Variants in CCDC28B observed in about 807,000 individuals in gnomAD.
CCDC28B encodes the protein coiled-coil domain containing 28B, also known as coiled-coil domain-containing protein 28B.
In CCDC28B, 17 loss-of-function variants were observed where a neutral mutation model predicts 18.7. The observed-to-expected ratio is 0.91, with a 90% CI of 0.62 to 1.36. The LOEUF (loss-of-function observed/expected upper bound fraction) is 1.36. Among genes scored for constraint, CCDC28B ranks in the 40% most tolerant of loss-of-function variants. CCDC28B has a pLI of 0.00. For synonymous variants in CCDC28B, 116 were observed against 105.1 expected (o/e 1.10, Z -0.64); for missense variants, 213 against 251.7 (o/e 0.85, Z 1.04).
chr1:32,204,437 T>C, intron 4 of CCDC28B, 58 bp downstream of exon 4: 1 of 1,529,022 alleles, frequency 6.5e-7, no homozygotes, highest in Non-Finnish European at 8.8e-7. Flanking sequence ...AGAAGGTACA[T>C]ACTCCCAAAG....
chr1:32,205,029 G>C lies in CCDC28B; in HGVS notation c.549-165G>C, dbSNP rs1191173100. On this transcript the variant is annotated intron_variant, in intron 5 of 5. Transcript: ENST00000373602. This position sits in a 1 kb window ranked among gnomAD's most constrained non-coding sequence, Gnocchi z 5.6. The stretch of plus-strand genomic sequence containing the variant: ...CCTGCACGATCTGGATGAAGAGAGA[G>C]GGGGTGAGAGAGGGCAGGCGGGGAC... 2 of 1,169,788 alleles carry C rather than the reference G, an allele frequency of 1.7e-6. No homozygotes were observed. Among genetic ancestry groups the C allele is most frequent in the Non-Finnish European group, 1.2e-6 (1 of 840,770 alleles). 72.5% of individuals were successfully genotyped at this position (1,169,788 alleles called of 1,614,324 possible). A position where few individuals can be genotyped will look rare whatever the true frequency, so the allele number is the denominator to read the frequency against.
chr1:32,205,097 C>T lies in CCDC28B; in HGVS notation c.549-97C>T. On this transcript the variant is annotated intron_variant, in intron 5 of 5. Coordinates refer to ENST00000373602, the MANE Select transcript of CCDC28B (RefSeq NM_024296.5). This position sits in a 1 kb window ranked among gnomAD's most constrained non-coding sequence, Gnocchi z 5.6. ...GACGGCCCGAGACCCTCGTCCCCGG[C>T]CCTTTGCACAGGTGAGGGAACTAAA... The T allele has an allele frequency of 1.4e-6, 2 of 1,467,924 alleles. No individual in the cohort carries two copies. Among genetic ancestry groups the T allele is most frequent in the Non-Finnish European group, 1.9e-6 (2 of 1,073,264 alleles). 90.9% of individuals were successfully genotyped at this position (1,467,924 alleles called of 1,614,324 possible).
In CCDC28B at chr1:32,205,047, G is replaced by A. The variant is rs1643279333; in HGVS notation, c.549-147G>A. ...AGAGAGAGGGGGTGAGAGAGGGCAGGCGGGGACTGCAACCTCAGTCCACAG... is the reference window on the plus strand; with the variant it reads ...AGAGAGAGGGGGTGAGAGAGGGCAGACGGGGACTGCAACCTCAGTCCACAG... On this transcript the variant is annotated intron_variant, in intron 5 of 5. Coordinates refer to ENST00000373602, the MANE Select transcript of CCDC28B (RefSeq NM_024296.5). This position sits in a 1 kb window ranked among gnomAD's most constrained non-coding sequence, Gnocchi z 5.6. 3.4e-6 allele frequency: 4 copies of A among 1,175,192 alleles called. No individual in the cohort carries two copies. The highest frequency in any genetic ancestry group is 2.7e-5 in the Admixed American group (1 of 37,458). 72.8% of individuals were successfully genotyped at this position (1,175,192 alleles called of 1,614,324 possible).
At position 32,205,095 on chromosome 1, in the gene CCDC28B, G is replaced by A. The variant is rs1643280738; in HGVS notation, c.549-99G>A. 3 of 1,456,728 alleles carry A rather than the reference G, an allele frequency of 2.1e-6. No individual in the cohort carries two copies. Among genetic ancestry groups the A allele is most frequent in the Non-Finnish European group, 1.9e-6 (2 of 1,066,634 alleles). 90.2% of individuals were successfully genotyped at this position (1,456,728 alleles called of 1,614,324 possible). On this transcript the variant is annotated intron_variant, in intron 5 of 5. Transcript: ENST00000373602. This position sits in a 1 kb window ranked among gnomAD's most constrained non-coding sequence, Gnocchi z 5.6. The stretch of plus-strand genomic sequence containing the variant: ...CAGACGGCCCGAGACCCTCGTCCCC[G>A]GCCCTTTGCACAGGTGAGGGAACTA...
At chr1:32,202,470 A>G in intron 2 of CCDC28B, 2 of 383,858 alleles carry the variant, frequency 5.2e-6, no homozygotes, top group Non-Finnish European at 1.0e-5. Flanking sequence ...GGAACAGGAA[A>G]TGGTGAGGAA....
At position 32,204,221 on chromosome 1, in the gene CCDC28B, C is replaced by G. The variant is rs535125110; in HGVS notation, c.367C>G (p.Arg123Gly). ...ECSFEQLEHV[R>G]EMQEKLARLH... Reference sequence around the variant, plus strand: ...CTCCTTTGAGCAGCTGGAGCACGTTCGGGAGATGCAGGAGAAGCTAGCCCG... The same window carrying G: ...CTCCTTTGAGCAGCTGGAGCACGTTGGGGAGATGCAGGAGAAGCTAGCCCG... Residue 123 changes from arginine (R) to glycine (G), a missense_variant, in exon 4 of 6, where the codon CGG becomes GGG. Transcript: ENST00000373602. The G allele has an allele frequency of 4.5e-5, 73 of 1,613,850 alleles. No individual in the cohort carries two copies. The highest frequency in any genetic ancestry group is 5.8e-5 in the Non-Finnish European group (69 of 1,180,000).
Position 32,204,056 on chromosome 1 carries a change from G to A in CCDC28B, c.331+11G>A. On this transcript the variant is annotated intron_variant, in intron 3 of 5. Coordinates refer to ENST00000373602, the MANE Select transcript of CCDC28B (RefSeq NM_024296.5). ...GGCTGCAGGCCTTCGGTGAGTCCTG[G>A]GGGCTGGTTTCAGCGGGTGTGTGGA... 1 of 1,565,234 alleles carries A rather than the reference G, an allele frequency of 6.4e-7. No individual in the cohort carries two copies. Among genetic ancestry groups the A allele is most frequent in the East Asian group, 2.3e-5 (1 of 44,412 alleles).
upstream of CCDC28B, among the ~76,000 whole-genome samples, chr1:32,198,939 C>G (rs1206830544): frequency 1.3e-5 from 2 of 152,178 alleles, no homozygotes. Flanking sequence ...GGGGTGGACA[C>G]TCATCACTGC....
rs1288665949 is a variant in CCDC28B, at chr1:32,203,951, C to G, written c.237C>G (p.His79Gln). 1 of 1,579,898 alleles carries G rather than the reference C, an allele frequency of 6.3e-7. No homozygotes were observed. Among genetic ancestry groups the G allele is most frequent in the South Asian group, 1.2e-5 (1 of 85,742 alleles). ...GSGSAGTPLQ[H>Q]SFLTEVTDVY... ...GCTCTGCAGGCACGCCCCTGCAGCACTCCTTCCTGACCGAGGTGACTGATG... is the reference window on the plus strand; with the variant it reads ...GCTCTGCAGGCACGCCCCTGCAGCAGTCCTTCCTGACCGAGGTGACTGATG... Residue 79 changes from histidine (H) to glutamine (Q), a missense_variant, in exon 3 of 6, where the codon CAC becomes CAG. Physicochemically the swap from His to Gln is conservative, Grantham distance 24. Coordinates refer to ENST00000373602, the MANE Select transcript of CCDC28B (RefSeq NM_024296.5).
upstream of CCDC28B, among the ~76,000 whole-genome samples, chr1:32,199,238 C>A (rs190376160): frequency 3.7e-4 from 57 of 152,306 alleles, no homozygotes; most frequent in Admixed American, 2.6e-3. Flanking sequence ...TCCCTCCAGG[C>A]CTCCACAAAT....
rs562912411 is a variant in CCDC28B, at chr1:32,204,188, A to G, written c.334A>G (p.Lys112Glu). 1 of 1,613,968 alleles carries G rather than the reference A, an allele frequency of 6.2e-7. No homozygotes were observed. The highest frequency in any genetic ancestry group is 2.2e-5 in the East Asian group (1 of 44,872). The change falls in exon 4 of 6, where the codon AAG becomes GAG. Residue 112 changes from lysine to glutamate, a missense_variant and splice_region_variant. Coordinates refer to ENST00000373602, the MANE Select transcript of CCDC28B (RefSeq NM_024296.5). ...FHSGRLQAFG[K>E]ECSFEQLEHV... Reference sequence around the variant, plus strand: ...TTCAGACAGGGGCTTCGTTCCAGGGAAGGAATGCTCCTTTGAGCAGCTGGA... The same window carrying G: ...TTCAGACAGGGGCTTCGTTCCAGGGGAGGAATGCTCCTTTGAGCAGCTGGA...
chr1:32,205,077 C>A lies in CCDC28B; in HGVS notation c.549-117C>A. 7.5e-7 allele frequency: 1 copy of A among 1,329,524 alleles called. No homozygotes were observed. Among genetic ancestry groups the A allele is most frequent in the Non-Finnish European group, 1.0e-6 (1 of 969,356 alleles). The allele number at this position is 1,329,524 out of a possible 1,614,324, so 82.4% of individuals were successfully genotyped here. On this transcript the variant is annotated intron_variant, in intron 5 of 5. Coordinates refer to ENST00000373602, the MANE Select transcript of CCDC28B (RefSeq NM_024296.5). This position sits in a 1 kb window ranked among gnomAD's most constrained non-coding sequence, Gnocchi z 5.6. Reference sequence around the variant, plus strand: ...GACTGCAACCTCAGTCCACAGACGGCCCGAGACCCTCGTCCCCGGCCCTTT... The same window carrying A: ...GACTGCAACCTCAGTCCACAGACGGACCGAGACCCTCGTCCCCGGCCCTTT...
At chr1:32,196,563 C>T (rs773321698), upstream of CCDC28B, 4 of 152,232 alleles carry the variant, frequency 2.6e-5, no homozygotes, top group Non-Finnish European at 5.9e-5. Flanking sequence ...TACATAACTA[C>T]TATGTACTGT....
At chr1:32,203,822 C>A (rs1192346682) in intron 2 of CCDC28B, 57 bp from the exon 3 acceptor site, 2 of 1,374,176 alleles carry the variant, frequency 1.5e-6, no homozygotes, top group African/African-American at 2.9e-5. Context: ...CACAAAAGAT[C>A]GGGAGGTGCC....
At chr1:32,197,478 C>T (rs181350424), upstream of CCDC28B, 143 of 152,428 alleles carry the variant, frequency 9.4e-4, no homozygotes, top group Non-Finnish European at 1.9e-3. This position sits in a 1 kb window ranked among gnomAD's most constrained non-coding sequence, Gnocchi z 4.6. Flanking sequence ...ATGAGGTTCC[C>T]TACCTTTTTC....
At chr1:32,202,297 G>A in intron 2 of CCDC28B, 198 bp downstream of exon 2, 2 of 726,248 alleles carry the variant, frequency 2.8e-6, no homozygotes, top group East Asian at 2.7e-5. Context: ...GTGGGTCACT[G>A]GGATCACATA....
chr1:32,201,592 C>T, intron 1 of CCDC28B: 1 of 214,880 alleles, frequency 4.7e-6, no homozygotes, highest in South Asian at 1.3e-4. Context: ...TCTCCCACTA[C>T]ATTTCCTCTG....
rs758934454 is a variant in CCDC28B, at chr1:32,202,027, C to T, written c.92C>T (p.Thr31Ile). 1.9e-6 allele frequency: 3 copies of T among 1,613,978 alleles called. No individual in the cohort carries two copies. Among genetic ancestry groups the T allele is most frequent in the Non-Finnish European group, 2.5e-6 (3 of 1,179,978 alleles). ...ACACTACGGAGGGTCCCTGTGCCTACCAGCCACAGCGGCTCCTTGGCCCTA... is the reference window on the plus strand; with the variant it reads ...ACACTACGGAGGGTCCCTGTGCCTATCAGCCACAGCGGCTCCTTGGCCCTA... ...PGTLRRVPVP[T>I]SHSGSLALGL... is the part of the protein sequence containing the mutation. Residue 31 changes from threonine (T) to isoleucine (I), a missense_variant, in exon 2 of 6, where the codon ACC (threonine) becomes ATC (isoleucine). Transcript: ENST00000373602.
Position 32,202,590 on chromosome 1 carries a change from C to T in CCDC28B, c.164+491C>T, listed in dbSNP as rs1461988838. The T allele has an allele frequency of 9.4e-6, 3 of 318,392 alleles. No homozygotes were observed. In the Admixed American group the frequency reaches 1.3e-4, roughly 14 times the overall value. 19.7% of individuals were successfully genotyped at this position (318,392 alleles called of 1,614,324 possible). On this transcript the variant is annotated intron_variant, in intron 2 of 5. Coordinates refer to ENST00000373602, the MANE Select transcript of CCDC28B (RefSeq NM_024296.5). ...TGTTCCCCACTAAATACAATGTATTCTTTCTCCAGTTGCTCCAGATAAGAC... is the reference window on the plus strand; with the variant it reads ...TGTTCCCCACTAAATACAATGTATTTTTTCTCCAGTTGCTCCAGATAAGAC...
Sources: gnomAD v4.1 joint callset for allele counts (sites outside exome capture counted in the v4.1 genomes callset) on GRCh38, gnomAD v4.1.1 for gene constraint, Gnocchi (gnomAD v3.1) non-coding constraint, MANE v1.5 for transcripts, NCBI Gene and HGNC (gene_info 2026-07-23, HGNC 2026-07-21) for gene names.